CNTNAP2: variants seen among roughly 807,000 people sequenced by gnomAD.
CNTNAP2 encodes contactin associated protein 2, also known as contactin-associated protein-like 2.
CNTNAP2 carries 98 observed loss-of-function variants against 155.2 expected under a neutral mutation model. That is an observed-to-expected ratio of 0.63 (90% CI 0.54 to 0.75). CNTNAP2 has a LOEUF of 0.75. Ranked by LOEUF, CNTNAP2 falls within the 30% of genes least tolerant of loss-of-function variation. CNTNAP2 has a pLI of 0.00. For synonymous variants in CNTNAP2, 651 were observed against 631.2 expected (o/e 1.03, Z -0.47); for missense variants, 1,727 against 1,688.1 (o/e 1.02, Z -0.40).
At chr7:147,949,062 G>T (rs897117023) in intron 14 of CNTNAP2, among the ~76,000 whole-genome samples, 2 of 151,774 alleles carry the variant, frequency 1.3e-5, no homozygotes, top group East Asian at 3.9e-4. Flanking sequence ...TTAGCTGGGT[G>T]TGGTGGTGGA....
intron 9 of CNTNAP2, among the ~76,000 whole-genome samples, chr7:147,303,837 C>T (rs2116777643): frequency 6.6e-6 from 1 of 152,306 alleles, no homozygotes; most frequent in East Asian, 1.9e-4. Context: ...AAGAGACAGC[C>T]TCACAAGGAA....
At chr7:147,761,181 T>C (rs537041970) in intron 13 of CNTNAP2, among the ~76,000 whole-genome samples, 13 of 152,340 alleles carry the variant, frequency 8.5e-5, no homozygotes, top group Admixed American at 7.2e-4. Context: ...TCTGAAATGG[T>C]ATTAATGACA....
intron 1 of CNTNAP2, among the ~76,000 whole-genome samples, chr7:146,356,718 G>T (rs1028307499): frequency 1.3e-5 from 2 of 152,080 alleles, no homozygotes; most frequent in Non-Finnish European, 2.9e-5. Context: ...TCTAGAGTTT[G>T]GATGGAGAAG....
intron 8 of CNTNAP2, among the ~76,000 whole-genome samples, chr7:147,293,520 A>G (rs1401817343): frequency 6.6e-6 from 1 of 152,198 alleles, no homozygotes; most frequent in East Asian, 1.9e-4. Flanking sequence ...AACTGCCTAA[A>G]GATGAATTCA....
chr7:147,938,214 T>A (rs2710095), intron 14 of CNTNAP2, among the ~76,000 whole-genome samples: 72,595 of 151,932 alleles, frequency 0.48, 17,680 homozygotes, highest in East Asian at 0.58. Flanking sequence ...TTCTAAAATT[T>A]GGGTCAACTC....
At chr7:146,749,243 A>C (rs1452259292) in intron 1 of CNTNAP2, among the ~76,000 whole-genome samples, 1 of 152,132 alleles carries the variant, frequency 6.6e-6, no homozygotes, top group East Asian at 1.9e-4. Flanking sequence ...ATTTGTATCT[A>C]TACATATATG....
intron 1 of CNTNAP2, among the ~76,000 whole-genome samples, chr7:146,746,003 CCT>C (rs1283325270): frequency 6.6e-6 from 1 of 152,124 alleles, no homozygotes; most frequent in Non-Finnish European, 1.5e-5. Flanking sequence ...TCTTCTCTAG[CCT>C]TTTGGCTGTG....
chr7:147,354,142 A>C (rs1447202645), intron 9 of CNTNAP2, among the ~76,000 whole-genome samples: 2 of 152,100 alleles, frequency 1.3e-5, no homozygotes, highest in African/African-American at 4.8e-5. Context: ...TAGTTTAATT[A>C]GATCCCATTT....
chr7:146,953,735 T>A (rs1433708056), intron 3 of CNTNAP2, among the ~76,000 whole-genome samples: 2 of 151,932 alleles, frequency 1.3e-5, no homozygotes, highest in African/African-American at 4.8e-5. Context: ...GTAGAGTACC[T>A]GAGACAAAGC....
At chr7:147,626,398 A>G (rs1469699031) in intron 12 of CNTNAP2, among the ~76,000 whole-genome samples, 1 of 152,036 alleles carries the variant, frequency 6.6e-6, no homozygotes, top group Non-Finnish European at 1.5e-5. Context: ...GGTGAACTAT[A>G]TGACACAGCA....
intron 12 of CNTNAP2, among the ~76,000 whole-genome samples, chr7:147,602,325 AT>A (rs1377639961): frequency 1.3e-5 from 2 of 151,256 alleles, no homozygotes; most frequent in Non-Finnish European, 2.9e-5. Context: ...ATGAAACCTA[AT>A]GTTTGTTTAT....
intron 21 of CNTNAP2, among the ~76,000 whole-genome samples, chr7:148,375,334 A>T (rs1002857809): frequency 3.8e-4 from 56 of 147,664 alleles, no homozygotes; most frequent in Admixed American, 1.6e-3. Context: ...AAATATATAT[A>T]TTTTTATATA....
intron 1 of CNTNAP2, among the ~76,000 whole-genome samples, chr7:146,281,978 C>T (rs774858579): frequency 6.6e-5 from 10 of 151,950 alleles, no homozygotes; most frequent in Non-Finnish European, 1.3e-4. Flanking sequence ...TACCATATGC[C>T]TATATGCTTT....
intron 12 of CNTNAP2, among the ~76,000 whole-genome samples, chr7:147,632,397 G>A (rs913576578): frequency 6.6e-6 from 1 of 152,140 alleles, no homozygotes; most frequent in African/African-American, 2.4e-5. Context: ...GATAATGGGG[G>A]TGGTTTCCCT....
At chr7:147,794,611 T>A (rs1328739952) in intron 13 of CNTNAP2, among the ~76,000 whole-genome samples, 3 of 151,944 alleles carry the variant, frequency 2.0e-5, no homozygotes, top group Non-Finnish European at 4.4e-5. Context: ...TCTGGTGATG[T>A]CTTTTTCTCG....
At chr7:146,619,568 A>G (rs1006669059) in intron 1 of CNTNAP2, among the ~76,000 whole-genome samples, 3 of 152,168 alleles carry the variant, frequency 2.0e-5, no homozygotes, top group Non-Finnish European at 4.4e-5. Flanking sequence ...CCCTCTGAAA[A>G]TAGTAATATA....
intron 1 of CNTNAP2, among the ~76,000 whole-genome samples, chr7:146,687,479 T>C (rs2372764): frequency 0.6 from 90,493 of 151,638 alleles, 31,018 homozygotes; most frequent in South Asian, 0.85. Context: ...TGCCCCTTTT[T>C]GTCGTGTATC....
rs1429586595 is a variant in CNTNAP2, at chr7:148,418,429, G to C, written c.*2813G>C. On this transcript the variant is annotated 3_prime_UTR_variant, in exon 24 of 24. Transcript: ENST00000361727. ...TGGTAGTAGCCTCTTTAAATAATATGTATAGACAACAACAACGACAAAAAA... is the reference window on the plus strand; with the variant it reads ...TGGTAGTAGCCTCTTTAAATAATATCTATAGACAACAACAACGACAAAAAA... 1 of 152,180 alleles carries C rather than the reference G, an allele frequency of 6.6e-6. No homozygotes were observed. Among genetic ancestry groups the C allele is most frequent in the Non-Finnish European group, 1.5e-5 (1 of 68,034 alleles). 9.4% of individuals were successfully genotyped at this position (152,180 alleles called of 1,614,324 possible).
At chr7:147,335,310 G>A (rs2373027) in intron 9 of CNTNAP2, among the ~76,000 whole-genome samples, 58,274 of 151,950 alleles carry the variant, frequency 0.38, 11,549 homozygotes, top group South Asian at 0.49. Context: ...ACTTTATTTG[G>A]TTTCTGTTTT....
Sources: allele counts gnomAD v4.1 joint callset (sites outside exome capture counted in the v4.1 genomes callset), GRCh38; gene constraint gnomAD v4.1.1; transcripts MANE v1.5; gene names NCBI Gene and HGNC (gene_info 2026-07-23, HGNC 2026-07-21).